TMEM245: variants seen among roughly 807,000 people sequenced by gnomAD.
The protein encoded by TMEM245 is transmembrane protein 245.
In TMEM245, 69 loss-of-function variants were observed where a neutral mutation model predicts 101.2. The observed-to-expected ratio is 0.68, with a 90% CI of 0.56 to 0.83. The LOEUF is 0.83. TMEM245 is among the 40% of genes least tolerant of loss of function. The probability of loss-of-function intolerance (pLI) is 0.00; values close to 1 mark genes in which losing one functional copy is unlikely to be tolerated. For missense variants in TMEM245, 1,075 were observed against 1,092.8 expected (o/e 0.98, Z 0.23); for synonymous variants, 537 against 449.8 (o/e 1.19, Z -2.45).
intron 17 of TMEM245, among the ~76,000 whole-genome samples, chr9:109,022,018 C>G (rs1273141918): frequency 2.0e-5 from 3 of 152,186 alleles, no homozygotes; most frequent in Non-Finnish European, 4.4e-5. Flanking sequence ...ATCATGCCCC[C>G]TCCCTTACTC....
In TMEM245 at chr9:109,080,982, G is replaced by A; in HGVS notation, c.1345-39C>T. 3 of 1,348,448 alleles carry A rather than the reference G, an allele frequency of 2.2e-6. No individual in the cohort carries two copies. The South Asian group carries it at 3.6e-5, about 16-fold the overall frequency. The allele number at this position is 1,348,448 out of a possible 1,614,324, so 83.5% of individuals were successfully genotyped here. ...AAAAAGAGAATTACTTATCTTTAAAGTAGAACTTTAAAAATACATATACTC... is the reference window on the plus strand; with the variant it reads ...AAAAAGAGAATTACTTATCTTTAAAATAGAACTTTAAAAATACATATACTC... On this transcript the variant is annotated intron_variant, in intron 7 of 17. Coordinates refer to ENST00000374586, the MANE Select transcript of TMEM245 (RefSeq NM_032012.4).
Position 109,050,419 on chromosome 9 carries a change from G to C in TMEM245, c.1987C>G (p.Leu663Val). ...LNFVLSLIIF[L>V]TTLFYLLSSS... ...CTTAATAGATAAAATAGTGTGGTCA[G>C]GAAAATTATCTGCAAAACAAAGGAC... The change falls in exon 14 of 18, where the codon CTG becomes GTG. Residue 663 changes from leucine (L) to valine (V), a missense_variant. Transcript: ENST00000374586. The C allele has an allele frequency of 6.2e-7, 1 of 1,613,868 alleles. No individual in the cohort carries two copies. The highest frequency in any genetic ancestry group is 8.5e-7 in the Non-Finnish European group (1 of 1,179,946).
rs1355520813 is a variant in TMEM245, at chr9:109,057,207, A to G, written c.1838T>C (p.Ile613Thr). The change falls in exon 12 of 18, where the codon ATT becomes ACT. Residue 613 changes from isoleucine (I) to threonine (T), a missense_variant. By Grantham distance (89) the Ile-to-Thr change is moderately conservative. Coordinates refer to ENST00000374586, the MANE Select transcript of TMEM245 (RefSeq NM_032012.4). Reference sequence around the variant, plus strand: ...ATTTCTTACCGAAAGAAATGTCTCAATGTTCTCGTGAACAAAGGAAACAAT... The same window carrying G: ...ATTTCTTACCGAAAGAAATGTCTCAGTGTTCTCGTGAACAAAGGAAACAAT... ...QDIVSFVHEN[I>T]ETFLSILESL... 3 of 1,613,662 alleles carry G rather than the reference A, an allele frequency of 1.9e-6. No homozygotes were observed. The highest frequency in any genetic ancestry group is 1.1e-5 in the South Asian group (1 of 90,932).
chr9:109,060,649 C>T (rs1334501319), intron 10 of TMEM245, among the ~76,000 whole-genome samples, 197 bp from the exon 11 acceptor site: 1 of 152,170 alleles, frequency 6.6e-6, no homozygotes. Flanking sequence ...GTTTTTGCTT[C>T]TATTTTCTTT....
At chr9:109,089,078 C>A (rs998352049) in intron 5 of TMEM245, among the ~76,000 whole-genome samples, 1 of 151,900 alleles carries the variant, frequency 6.6e-6, no homozygotes, top group Admixed American at 6.6e-5. Flanking sequence ...GAGTTTGAGA[C>A]CAGCCTGGGC....
At chr9:109,037,213 T>G (rs1828154297) in intron 15 of TMEM245, among the ~76,000 whole-genome samples, 1 of 152,276 alleles carries the variant, frequency 6.6e-6, no homozygotes, top group East Asian at 1.9e-4. Flanking sequence ...GGAGGCAGCT[T>G]ATGTGCCCTC....
At chr9:109,028,987 C>G (rs1827871569) in intron 17 of TMEM245, among the ~76,000 whole-genome samples, 3 of 152,138 alleles carry the variant, frequency 2.0e-5, no homozygotes, top group African/African-American at 7.2e-5. Context: ...GTACGTTAAG[C>G]TGCTAAATGT....
chr9:109,017,130 T>C lies in TMEM245; in HGVS notation c.*3330A>G, dbSNP rs1160365412. 1 of 152,184 alleles carries C rather than the reference T, an allele frequency of 6.6e-6. No individual in the cohort carries two copies. The highest frequency in any genetic ancestry group is 1.5e-5 in the Non-Finnish European group (1 of 68,034). 9.4% of individuals were successfully genotyped at this position (152,184 alleles called of 1,614,324 possible). On this transcript the variant is annotated 3_prime_UTR_variant, in exon 18 of 18. Coordinates refer to ENST00000374586, the MANE Select transcript of TMEM245 (RefSeq NM_032012.4). Reference sequence around the variant, plus strand: ...GAAATCCAGATAGGTCACAATGGGTTCATGTGAAGATCAAGGTGAGCCAGA... The same window carrying C: ...GAAATCCAGATAGGTCACAATGGGTCCATGTGAAGATCAAGGTGAGCCAGA...
At chr9:109,053,200 CG>C (rs1242090299) in intron 12 of TMEM245, among the ~76,000 whole-genome samples, 1 of 152,048 alleles carries the variant, frequency 6.6e-6, no homozygotes, top group Non-Finnish European at 1.5e-5. Flanking sequence ...CCAAGGTGAG[CG>C]GATCAGTTGA....
intron 7 of TMEM245, among the ~76,000 whole-genome samples, chr9:109,083,494 G>A (rs1829730180): frequency 6.6e-6 from 1 of 152,106 alleles, no homozygotes; most frequent in Non-Finnish European, 1.5e-5. Context: ...CAAAAAAAGA[G>A]AAGTAATTTT....
chr9:109,106,749 AT>A, intron 2 of TMEM245, 140 bp from the exon 3 acceptor site: 32 of 568,956 alleles, frequency 5.6e-5, no homozygotes, highest in Middle Eastern at 4.6e-4. Context: ...AAAAAAAAAA[AT>A]TTAAGTCCAT....
rs879198126 is a variant in TMEM245, at chr9:109,090,937, G to A, written c.1135C>T (p.Pro379Ser). The A allele has an allele frequency of 6.2e-7, 1 of 1,614,092 alleles. No individual in the cohort carries two copies. Among genetic ancestry groups the A allele is most frequent in the Non-Finnish European group, 8.5e-7 (1 of 1,179,996 alleles). ...AGATAACGACCTGCAATCGGCACTG[G>A]CAGCAACTGCACAATCCACAGGTTC... ...WLNLWIVQLL[P>S]VPIAVWILKK... Residue 379 changes from proline (P) to serine (S), a missense_variant, in exon 5 of 18, where the codon CCA becomes TCA. Coordinates refer to ENST00000374586, the MANE Select transcript of TMEM245 (RefSeq NM_032012.4).
intron 8 of TMEM245, among the ~76,000 whole-genome samples, chr9:109,079,721 T>C (rs1829613683): frequency 6.6e-6 from 1 of 151,044 alleles, no homozygotes; most frequent in African/African-American, 2.4e-5. Context: ...AGGCAAAAGA[T>C]GCTACGCAAA....
rs753175633 is a variant in TMEM245 at position 109,056,440 on chromosome 9, C to CAAAA, written c.1854+747_1854+750dup. ...AGAAACCCCATATCTACTAAAAATG[C>CAAAA]AAAAAAAAAAAAAAAAAAAAAAAAA... is the stretch of plus-strand genomic sequence containing the variant. On this transcript the variant is annotated intron_variant, in intron 12 of 17. Transcript: ENST00000374586. Among the ~76,000 whole-genome samples, 75 of 36,764 alleles carry CAAAA rather than the reference C, an allele frequency of 2.0e-3. 3 individuals are homozygous for CAAAA. The highest frequency in any genetic ancestry group is 4.6e-3 in the African/African-American group (53 of 11,404). The allele number at this position is 36,764 out of a possible 152,430, so 24.1% of individuals were successfully genotyped here. A position where few individuals can be genotyped will look rare whatever the true frequency, so the allele number is the denominator to read the frequency against.
chr9:109,090,134 G>GCCT (rs1404518573), intron 5 of TMEM245, among the ~76,000 whole-genome samples: 2 of 152,080 alleles, frequency 1.3e-5, no homozygotes, highest in African/African-American at 4.8e-5. Flanking sequence ...GGTGGCGCAT[G>GCCT]CCTGTAGTCC....
intron 17 of TMEM245, among the ~76,000 whole-genome samples, chr9:109,024,350 C>T (rs1308742404): frequency 2.6e-5 from 4 of 152,198 alleles, no homozygotes; most frequent in African/African-American, 9.7e-5. Context: ...TTTTATCAGC[C>T]TCAAGGTTGT....
chr9:109,092,678 G>T (rs1338261987), intron 4 of TMEM245, among the ~76,000 whole-genome samples: 2 of 152,196 alleles, frequency 1.3e-5, no homozygotes, highest in African/African-American at 4.8e-5. Flanking sequence ...AGTTCTTCAA[G>T]GAGAATTCAC....
chr9:109,070,582 G>C (rs1427406656), intron 9 of TMEM245, among the ~76,000 whole-genome samples: 2 of 152,166 alleles, frequency 1.3e-5, no homozygotes, highest in African/African-American at 4.8e-5. Context: ...TTGTCTCAAA[G>C]GTTTACATCT....
rs118169992 is a variant in TMEM245 at position 109,085,653 on chromosome 9, A to G, written c.1344+344T>C. Among the ~76,000 whole-genome samples the G allele has an allele frequency of 8.9e-3, 1,351 of 152,366 alleles. 10 individuals carry two copies. The highest frequency in any genetic ancestry group is 0.013 in the Non-Finnish European group (891 of 68,028). On this transcript the variant is annotated intron_variant, in intron 7 of 17. Coordinates refer to ENST00000374586, the MANE Select transcript of TMEM245 (RefSeq NM_032012.4). Reference sequence around the variant, plus strand: ...CAGAGAGTTCTCTCTTGCCCTTACAATAACTATTGCCTAATGTGTTTTCAC... The same window carrying G: ...CAGAGAGTTCTCTCTTGCCCTTACAGTAACTATTGCCTAATGTGTTTTCAC...
Sources: gnomAD v4.1 joint callset for allele counts (sites outside exome capture counted in the v4.1 genomes callset) on GRCh38, gnomAD v4.1.1 for gene constraint, MANE v1.5 for transcripts, NCBI Gene and HGNC (gene_info 2026-07-23, HGNC 2026-07-21) for gene names.